Variants in CSMD3 observed in about 807,000 individuals in gnomAD.
CSMD3 encodes the protein CUB and Sushi multiple domains 3.
A neutral mutation model predicts 435.2 loss-of-function variants in CSMD3; 177 were observed. That is an observed-to-expected ratio of 0.41 (90% CI 0.36 to 0.46). CSMD3 has a LOEUF of 0.46. Among genes scored for constraint, CSMD3 ranks in the 20% least tolerant of loss-of-function variants. CSMD3 has a pLI of 0.34. For synonymous variants in CSMD3, 1,656 were observed against 1,520.5 expected (o/e 1.09, Z -2.07); for missense variants, 4,265 against 4,504.6 (o/e 0.95, Z 1.52).
intron 31 of CSMD3, among the ~76,000 whole-genome samples, chr8:112,486,188 C>T (rs1820116520): frequency 1.3e-5 from 2 of 151,648 alleles, no homozygotes; most frequent in South Asian, 4.2e-4. Flanking sequence ...TCAATCTCAC[C>T]ACTTATTCTT....
chr8:112,231,128 CTG>C (rs1226947914), intron 69 of CSMD3, among the ~76,000 whole-genome samples: 1 of 152,202 alleles, frequency 6.6e-6, no homozygotes, highest in African/African-American at 2.4e-5. Flanking sequence ...TTTCCAGACT[CTG>C]TGAGTTTCTC....
At chr8:112,751,604 C>CT (rs1400501444) in intron 13 of CSMD3, among the ~76,000 whole-genome samples, 1 of 147,240 alleles carries the variant, frequency 6.8e-6, no homozygotes, top group Non-Finnish European at 1.5e-5. Context: ...AATCACTATA[C>CT]TTTTTTCAAA....
chr8:112,370,014 A>AGAG (rs1378973893), intron 38 of CSMD3, among the ~76,000 whole-genome samples: 7 of 112,678 alleles, frequency 6.2e-5, no homozygotes, highest in African/African-American at 8.6e-5. Context: ...AGGAAGAGGA[A>AGAG]GAAGAAGAGG....
intron 53 of CSMD3, among the ~76,000 whole-genome samples, chr8:112,300,125 TA>T (rs1172348475): frequency 7.2e-4 from 107 of 147,664 alleles, no homozygotes; most frequent in African/African-American, 2.5e-3. Context: ...TTAAATATAA[TA>T]TTTTAATATA....
intron 3 of CSMD3, among the ~76,000 whole-genome samples, chr8:113,269,875 G>A (rs2093505946): frequency 6.6e-6 from 1 of 151,760 alleles, no homozygotes; most frequent in Non-Finnish European, 1.5e-5. Context: ...AGAAAACCTA[G>A]GCAATACCAT....
At chr8:112,519,828 C>A (rs1824087166) in intron 27 of CSMD3, among the ~76,000 whole-genome samples, 5 of 151,990 alleles carry the variant, frequency 3.3e-5, no homozygotes, top group Admixed American at 2.6e-4. Flanking sequence ...GGTATAAGAC[C>A]ATATCCAAGG....
chr8:112,774,364 A>G (rs2078195293), intron 13 of CSMD3, among the ~76,000 whole-genome samples: 2 of 152,004 alleles, frequency 1.3e-5, no homozygotes, highest in African/African-American at 4.8e-5. Flanking sequence ...TTTAGCTGAT[A>G]GTACCTACTT....
chr8:113,411,041 A>C (rs921283409), intron 1 of CSMD3, among the ~76,000 whole-genome samples: 16 of 151,858 alleles, frequency 1.1e-4, no homozygotes, highest in Non-Finnish European at 1.9e-4. Context: ...AAGAGAAAGA[A>C]GAGGAGAAAG....
intron 6 of CSMD3, among the ~76,000 whole-genome samples, chr8:112,978,524 A>G (rs1284485682): frequency 6.6e-6 from 1 of 151,960 alleles, no homozygotes; most frequent in Non-Finnish European, 1.5e-5. Flanking sequence ...TAGACCCAGG[A>G]CTTTCTAGCA....
At chr8:112,874,533 G>A (rs532453218) in intron 10 of CSMD3, among the ~76,000 whole-genome samples, 12 of 152,136 alleles carry the variant, frequency 7.9e-5, no homozygotes, top group African/African-American at 1.4e-4. Context: ...TTGTGTGGGC[G>A]TCTAAGTTTT....
chr8:112,468,607 G>T (rs770657985), intron 32 of CSMD3, among the ~76,000 whole-genome samples: 5 of 151,700 alleles, frequency 3.3e-5, no homozygotes, highest in Non-Finnish European at 7.4e-5. Flanking sequence ...TTATCTATAC[G>T]AAATGAAAAG....
At chr8:112,407,330 G>A (rs1191505998) in intron 34 of CSMD3, among the ~76,000 whole-genome samples, 1 of 151,928 alleles carries the variant, frequency 6.6e-6, no homozygotes, top group Non-Finnish European at 1.5e-5. Context: ...TATCAGATTT[G>A]AAATTGCTTT....
At chr8:113,337,034 T>G (rs180949096) in intron 1 of CSMD3, among the ~76,000 whole-genome samples, 1 of 152,256 alleles carries the variant, frequency 6.6e-6, no homozygotes, top group East Asian at 1.9e-4. Context: ...AACGGTTTTT[T>G]GTCTTTCTGT....
chr8:113,243,726 T>C (rs1410539453), intron 3 of CSMD3, among the ~76,000 whole-genome samples: 1 of 152,122 alleles, frequency 6.6e-6, no homozygotes, highest in Non-Finnish European at 1.5e-5. Context: ...TACATATCCA[T>C]AAGCAATGCA....
In CSMD3 at chr8:113,057,209, GT is replaced by G. The variant is rs146896048; in HGVS notation, c.918-38031del. Among the ~76,000 whole-genome samples the G allele has an allele frequency of 8.2e-3, 1,254 of 152,160 alleles. 30 individuals carry two copies. The highest frequency in any genetic ancestry group is 0.029 in the African/African-American group (1,186 of 41,512). On this transcript the variant is annotated intron_variant, in intron 5 of 70. Coordinates refer to ENST00000297405, the MANE Select transcript of CSMD3 (RefSeq NM_198123.2). Reference sequence around the variant, plus strand: ...CATTTTAACACTCATAATGTTTTCAGTTTTTGGAACTATTTTACTTATTTAT... The same window carrying G: ...CATTTTAACACTCATAATGTTTTCAGTTTTGGAACTATTTTACTTATTTAT...
At chr8:113,341,006 T>C (rs940251039) in intron 1 of CSMD3, among the ~76,000 whole-genome samples, 1 of 152,198 alleles carries the variant, frequency 6.6e-6, no homozygotes, top group Non-Finnish European at 1.5e-5. Context: ...TAGGATCCTC[T>C]TCAACCAACA....
chr8:112,760,441 T>C (rs1325023038), intron 13 of CSMD3, among the ~76,000 whole-genome samples: 1 of 152,176 alleles, frequency 6.6e-6, no homozygotes, highest in East Asian at 1.9e-4. Flanking sequence ...ATTTTCTTCA[T>C]TTATACTTCA....
intron 5 of CSMD3, among the ~76,000 whole-genome samples, chr8:113,028,596 A>T (rs750645169): frequency 1.3e-5 from 2 of 151,600 alleles, no homozygotes; most frequent in Admixed American, 6.6e-5. Context: ...CACACAAATT[A>T]TAAGAAAGCA....
chr8:112,258,572 A>G (rs1215434227), intron 61 of CSMD3, among the ~76,000 whole-genome samples: 2 of 152,224 alleles, frequency 1.3e-5, no homozygotes, highest in African/African-American at 2.4e-5. Context: ...CAAAACCACA[A>G]TGAGATACCA....
Sources: allele counts gnomAD v4.1 joint callset (sites outside exome capture counted in the v4.1 genomes callset), GRCh38; gene constraint gnomAD v4.1.1; transcripts MANE v1.5; gene names NCBI Gene and HGNC (gene_info 2026-07-23, HGNC 2026-07-21).